TUBGCP4: variants seen among roughly 807,000 people sequenced by gnomAD.
The protein encoded by TUBGCP4 is gamma-tubulin complex component 4.
A neutral mutation model predicts 91.6 loss-of-function variants in TUBGCP4; 54 were observed. That is an observed-to-expected ratio of 0.59 (90% CI 0.47 to 0.74). The LOEUF (loss-of-function observed/expected upper bound fraction) is 0.74. TUBGCP4 is among the 30% of genes least tolerant of loss of function. The probability of loss-of-function intolerance (pLI) is 0.00; values close to 1 mark genes in which losing one functional copy is unlikely to be tolerated. For synonymous variants in TUBGCP4, 297 were observed against 302.8 expected, an observed-to-expected ratio of 0.98 and a Z score of 0.20; for missense variants, 593 against 800.9, an observed-to-expected ratio of 0.74 and a Z score of 3.13.
rs114541232 is a variant in TUBGCP4 at position 43,382,135 on chromosome 15, C to A, written c.522-1168C>A. On this transcript the variant is annotated intron_variant, in intron 6 of 17. Transcript: ENST00000564079. ...GCTGAGGTGGGAGGGTGGCTTGAGT[C>A]CAGGAGGTCGAAACTGCAGTGAGCC... Among the ~76,000 whole-genome samples, 1,502 of 151,816 alleles carry A rather than the reference C, an allele frequency of 9.9e-3. 26 individuals are homozygous for A. Among genetic ancestry groups the A allele is most frequent in the African/African-American group, 0.035 (1,428 of 41,360 alleles).
chr15:43,377,116 G>A (rs2044217886), intron 4 of TUBGCP4, 49 bp downstream of exon 4: 1 of 1,470,506 alleles, frequency 6.8e-7, no homozygotes, highest in Non-Finnish European at 9.5e-7. Context: ...GATAGTGTTA[G>A]AATAATCTAA....
intron 9 of TUBGCP4, among the ~76,000 whole-genome samples, chr15:43,390,111 T>C (rs2044441877): frequency 6.6e-6 from 1 of 152,156 alleles, no homozygotes; most frequent in African/African-American, 2.4e-5. Context: ...GAAATAAGAC[T>C]GTACCCTTCT....
chr15:43,381,510 A>T (rs2044284552), intron 6 of TUBGCP4, among the ~76,000 whole-genome samples: 2 of 152,122 alleles, frequency 1.3e-5, no homozygotes, highest in South Asian at 4.1e-4. Context: ...GCTGAGGCAG[A>T]GGGATCGCTT....
intron 9 of TUBGCP4, chr15:43,394,043 G>A (rs949981232): frequency 6.7e-6 from 1 of 150,208 alleles, no homozygotes; most frequent in African/African-American, 2.4e-5. Flanking sequence ...CTGAATTTAA[G>A]TTCTTTAACA....
In TUBGCP4 at chr15:43,404,423, G is replaced by A. The variant is rs751105275; in HGVS notation, c.1859G>A (p.Arg620His). 11 of 1,613,972 alleles carry A rather than the reference G, an allele frequency of 6.8e-6. No individual in the cohort carries two copies. Among genetic ancestry groups the A allele is most frequent in the Non-Finnish European group, 7.6e-6 (9 of 1,179,990 alleles). ...QLSILVKGFS[R>H]QSSLLFKILS... is the part of the protein sequence containing the mutation. Reference sequence around the variant, plus strand: ...TCCTTCTCTCTGCAGGGCTTTAGCCGCCAGTCTTCACTCCTGTTCAAGATT... The same window carrying A: ...TCCTTCTCTCTGCAGGGCTTTAGCCACCAGTCTTCACTCCTGTTCAAGATT... The change falls in exon 17 of 18, where the codon CGC becomes CAC. Residue 620 changes from arginine to histidine, a missense_variant. Arg to His is a conservative substitution (Grantham distance 29). Coordinates refer to ENST00000564079, the MANE Select transcript of TUBGCP4 (RefSeq NM_014444.5).
At chr15:43,400,566 T>G (rs2044658599) in intron 14 of TUBGCP4, among the ~76,000 whole-genome samples, 1 of 152,046 alleles carries the variant, frequency 6.6e-6, no homozygotes, top group South Asian at 2.1e-4. Flanking sequence ...CCCAGCTGGT[T>G]TGTTTTTATT....
chr15:43,400,314 T>C, intron 14 of TUBGCP4, 93 bp downstream of exon 14: 1 of 1,027,644 alleles, frequency 9.7e-7, no homozygotes, highest in Non-Finnish European at 1.4e-6. Flanking sequence ...AGTTTCTATT[T>C]GATAAAATGG....
chr15:43,372,215 T>C (rs2044134988), intron 1 of TUBGCP4, among the ~76,000 whole-genome samples: 1 of 152,134 alleles, frequency 6.6e-6, no homozygotes, highest in South Asian at 2.1e-4. Context: ...AAACTGAAGC[T>C]CAGAAAACTT....
At chr15:43,386,598 A>G (rs2044377696) in intron 9 of TUBGCP4, among the ~76,000 whole-genome samples, 1 of 148,440 alleles carries the variant, frequency 6.7e-6, no homozygotes. Flanking sequence ...GGTGGCATGC[A>G]CCTGTAGTCC....
At chr15:43,378,694 T>C (rs1329333832) in intron 5 of TUBGCP4, among the ~76,000 whole-genome samples, 1 of 152,354 alleles carries the variant, frequency 6.6e-6, no homozygotes, top group East Asian at 1.9e-4. Flanking sequence ...TGGTGGGTGC[T>C]CATTGGCCCT....
At chr15:43,386,815 A>G (rs2044383427) in intron 9 of TUBGCP4, among the ~76,000 whole-genome samples, 1 of 152,064 alleles carries the variant, frequency 6.6e-6, no homozygotes, top group Non-Finnish European at 1.5e-5. Flanking sequence ...CGAGCTTGGA[A>G]AGAAATGTTG....
chr15:43,399,379 T>G (rs908691090), intron 13 of TUBGCP4, among the ~76,000 whole-genome samples: 1 of 152,104 alleles, frequency 6.6e-6, no homozygotes, highest in Non-Finnish European at 1.5e-5. Flanking sequence ...AACACACTAT[T>G]TTTTTTGAGA....
At chr15:43,376,878 C>T in intron 3 of TUBGCP4, 136 bp from the exon 4 acceptor site, 2 of 904,310 alleles carry the variant, frequency 2.2e-6, no homozygotes, top group East Asian at 2.6e-5. Flanking sequence ...GGATTAATAA[C>T]CTGATTAAAT....
rs768231795 is a variant in TUBGCP4 at position 43,407,371 on chromosome 15, G to T, written c.*2157G>T. Reference sequence around the variant, plus strand: ...CGATAGCAGGGAATAAAACCAGTAAGACCAAGTATCTTTAGTGAGAAACAT... The same window carrying T: ...CGATAGCAGGGAATAAAACCAGTAATACCAAGTATCTTTAGTGAGAAACAT... On this transcript the variant is annotated 3_prime_UTR_variant, in exon 18 of 18. Transcript: ENST00000564079. The T allele has an allele frequency of 6.2e-7, 1 of 1,612,928 alleles. No homozygotes were observed. Among genetic ancestry groups the T allele is most frequent in the East Asian group, 2.2e-5 (1 of 44,876 alleles).
chr15:43,403,691 C>T lies in TUBGCP4; in HGVS notation c.1740C>T (p.His580=), dbSNP rs370551367. Residue 580 remains histidine (H), a synonymous_variant, in exon 16 of 18, where the codon CAC becomes CAT. Transcript: ENST00000564079. ...QSFILLKPVF[H]CLNEILDLCH... is the part of the protein sequence containing the mutation. Reference sequence around the variant, plus strand: ...CTCTGTTTCCCGGGTAGGTGTTTCACTGCCTGAATGAAATCCTAGATCTCT... The same window carrying T: ...CTCTGTTTCCCGGGTAGGTGTTTCATTGCCTGAATGAAATCCTAGATCTCT... 6 of 1,611,714 alleles carry T rather than the reference C, an allele frequency of 3.7e-6. No individual in the cohort carries two copies. In the South Asian group the frequency reaches 4.4e-5, roughly 12 times the overall value.
intron 15 of TUBGCP4, chr15:43,402,824 C>T (rs1009801340): frequency 2.6e-5 from 4 of 152,208 alleles, no homozygotes; most frequent in African/African-American, 9.7e-5. Context: ...GGTTATGCCT[C>T]CTCTGACATG....
intron 15 of TUBGCP4, chr15:43,402,292 A>G (rs993857165): frequency 2.7e-5 from 4 of 146,042 alleles, no homozygotes; most frequent in African/African-American, 1.0e-4. Context: ...GGGAGCAGAT[A>G]AAAAAAAAAA....
At chr15:43,402,022 C>T (rs2044692778) in intron 15 of TUBGCP4, 172 bp downstream of exon 15, 2 of 799,846 alleles carry the variant, frequency 2.5e-6, no homozygotes, top group South Asian at 3.9e-5. Flanking sequence ...CCTGTAATCC[C>T]AGCACTTTGG....
At chr15:43,395,413 C>G in intron 10 of TUBGCP4, 170 bp from the exon 11 acceptor site, 1 of 684,202 alleles carries the variant, frequency 1.5e-6, no homozygotes, top group Non-Finnish European at 2.6e-6. Context: ...CACCAGTCAT[C>G]CTGCTATGCG....
Sources: gnomAD v4.1 joint callset for allele counts (sites outside exome capture counted in the v4.1 genomes callset) on GRCh38, gnomAD v4.1.1 for gene constraint, MANE v1.5 for transcripts, NCBI Gene and HGNC (gene_info 2026-07-23, HGNC 2026-07-21) for gene names.